Variants in RPH3A observed in about 807,000 individuals in gnomAD.
RPH3A encodes rabphilin-3A.
RPH3A carries 48 observed loss-of-function variants against 102.2 expected under a neutral mutation model. The ratio of observed to expected loss-of-function variants is 0.47; its 90% confidence interval spans 0.37 to 0.60. The LOEUF is 0.60. RPH3A is among the 20% of genes least tolerant of loss of function. The probability of loss-of-function intolerance (pLI) is 0.00; values close to 1 mark genes in which losing one functional copy is unlikely to be tolerated. For missense variants in RPH3A, 781 were observed against 910.1 expected (o/e 0.86, Z 1.83); for synonymous variants, 310 against 324.3 (o/e 0.96, Z 0.47).
rs910597303 is a variant in RPH3A, at chr12:112,837,852, C to T, written c.83+1350C>T. The T allele has an allele frequency of 5.1e-5, 23 of 454,740 alleles. No homozygotes were observed. In the Middle Eastern group the frequency reaches 1.3e-3, roughly 26 times the overall value. The allele number at this position is 454,740 out of a possible 1,614,324, so 28.2% of individuals were successfully genotyped here. A position where few individuals can be genotyped will look rare whatever the true frequency, so the allele number is the denominator to read the frequency against. On this transcript the variant is annotated intron_variant, in intron 4 of 21. Coordinates refer to ENST00000389385, the MANE Select transcript of RPH3A (RefSeq NM_001143854.2). Reference sequence around the variant, plus strand: ...TTCCCCTCTGTCCTTCATCCCCAGGCTCCTCCCCTCCTTCCCTCCCTCCTT... The same window carrying T: ...TTCCCCTCTGTCCTTCATCCCCAGGTTCCTCCCCTCCTTCCCTCCCTCCTT...
At chr12:112,793,810 G>T (rs1459193051) in intron 2 of RPH3A, among the ~76,000 whole-genome samples, 1 of 152,106 alleles carries the variant, frequency 6.6e-6, no homozygotes, top group Non-Finnish European at 1.5e-5. Flanking sequence ...CATCTTAGGG[G>T]GCCCCTGCTG....
intron 1 of RPH3A, among the ~76,000 whole-genome samples, chr12:112,585,290 A>G (rs1011316853): frequency 6.6e-6 from 1 of 152,180 alleles, no homozygotes; most frequent in African/African-American, 2.4e-5. Context: ...ACCCTCACAG[A>G]CACACCCAGG....
intron 1 of RPH3A, among the ~76,000 whole-genome samples, chr12:112,734,651 A>G (rs1043957515): frequency 6.6e-6 from 1 of 152,222 alleles, no homozygotes; most frequent in African/African-American, 2.4e-5. Flanking sequence ...TCTTGATCAT[A>G]TGCTAAACAA....
intron 4 of RPH3A, chr12:112,837,651 A>G: frequency 2.4e-6 from 1 of 424,932 alleles, no homozygotes; most frequent in South Asian, 1.7e-5. Context: ...GACAGGCAAG[A>G]TCTGCTTTCT....
intron 5 of RPH3A, among the ~76,000 whole-genome samples, chr12:112,851,273 G>T (rs1565919111): frequency 6.6e-6 from 1 of 152,100 alleles, no homozygotes; most frequent in Non-Finnish European, 1.5e-5. Context: ...TCGTATGCAG[G>T]CAAGGTACAC....
intron 2 of RPH3A, among the ~76,000 whole-genome samples, chr12:112,804,114 CCATTACAGATG>C (rs1171635602): frequency 1.3e-5 from 2 of 152,174 alleles, no homozygotes; most frequent in Non-Finnish European, 2.9e-5. Flanking sequence ...ATTACTTCCT[CCATTACAGATG>C]AAGGAACTGT....
chr12:112,817,241 T>C (rs1454334937), intron 2 of RPH3A, among the ~76,000 whole-genome samples: 2 of 152,180 alleles, frequency 1.3e-5, no homozygotes, highest in Non-Finnish European at 1.5e-5. Context: ...CCACTTTCTC[T>C]TTTTAGCCCT....
At chr12:112,702,378 G>C (rs1215783097) in intron 1 of RPH3A, among the ~76,000 whole-genome samples, 2 of 152,192 alleles carry the variant, frequency 1.3e-5, no homozygotes, top group Non-Finnish European at 2.9e-5. Context: ...ATTAGGAGCT[G>C]GGATGAGAGA....
intron 1 of RPH3A, among the ~76,000 whole-genome samples, chr12:112,610,776 C>A (rs532456483): frequency 6.6e-6 from 1 of 151,868 alleles, no homozygotes; most frequent in Non-Finnish European, 1.5e-5. Context: ...GGACTACAGG[C>A]GCCTGCCGCC....
intron 1 of RPH3A, among the ~76,000 whole-genome samples, chr12:112,576,909 C>CT (rs3036138): frequency 0.035 from 3,968 of 114,422 alleles, 290 homozygotes; most frequent in African/African-American, 0.1. Context: ...TCTTTTCTTC[C>CT]TTTTTTTTTT....
chr12:112,792,713 C>G (rs1268580048), intron 2 of RPH3A, among the ~76,000 whole-genome samples: 1 of 152,180 alleles, frequency 6.6e-6, no homozygotes, highest in Non-Finnish European at 1.5e-5. Context: ...TTTGCCTGGG[C>G]ACACTGGGTA....
chr12:112,891,258 G>T, intron 19 of RPH3A: 1 of 499,310 alleles, frequency 2.0e-6, no homozygotes, highest in East Asian at 3.5e-5. Context: ...CCTGCTGATG[G>T]CTCTGCAACT....
chr12:112,895,607 G>C, intron 20 of RPH3A, 170 bp from the exon 21 acceptor site: 1 of 569,292 alleles, frequency 1.8e-6, no homozygotes, highest in East Asian at 2.8e-5. Context: ...TTGTTGGAAG[G>C]GGATCACGGG....
intron 1 of RPH3A, among the ~76,000 whole-genome samples, chr12:112,696,455 T>C (rs1175070868): frequency 1.3e-5 from 2 of 152,208 alleles, no homozygotes; most frequent in Admixed American, 1.3e-4. Flanking sequence ...TTTTAACAGA[T>C]GTACAAGTGG....
At chr12:112,673,938 A>G (rs1389464857) in intron 1 of RPH3A, among the ~76,000 whole-genome samples, 1 of 152,116 alleles carries the variant, frequency 6.6e-6, no homozygotes, top group Non-Finnish European at 1.5e-5. Context: ...AGAACATGCA[A>G]TATTGAGATG....
At chr12:112,861,093 GT>G (rs1279338635) in intron 5 of RPH3A, among the ~76,000 whole-genome samples, 1 of 152,196 alleles carries the variant, frequency 6.6e-6, no homozygotes, top group Non-Finnish European at 1.5e-5. Context: ...ATGGAATGAG[GT>G]GTGGTAACCC....
chr12:112,663,884 AC>A (rs1463220219), intron 1 of RPH3A, among the ~76,000 whole-genome samples: 1 of 152,182 alleles, frequency 6.6e-6, no homozygotes, highest in East Asian at 1.9e-4. Flanking sequence ...CACTAGTTTT[AC>A]TAGAACATCC....
At chr12:112,687,792 T>C (rs1265969776) in intron 1 of RPH3A, among the ~76,000 whole-genome samples, 1 of 152,170 alleles carries the variant, frequency 6.6e-6, no homozygotes, top group East Asian at 1.9e-4. Flanking sequence ...CTTTCATCCA[T>C]TGGTATATGG....
intron 1 of RPH3A, among the ~76,000 whole-genome samples, chr12:112,682,351 CTTTCTTTTTT>C (rs1378993992): frequency 1.5e-3 from 120 of 77,692 alleles, no homozygotes; most frequent in African/African-American, 6.7e-3. Flanking sequence ...TTTTTTCTTT[CTTTCTTTTTT>C]TTTTTTTTTT....
Sources: gnomAD v4.1 joint callset for allele counts (sites outside exome capture counted in the v4.1 genomes callset) on GRCh38, gnomAD v4.1.1 for gene constraint, MANE v1.5 for transcripts, NCBI Gene and HGNC (gene_info 2026-07-23, HGNC 2026-07-21) for gene names.